ERC1: variants seen among roughly 807,000 people sequenced by gnomAD.
ERC1 encodes ELKS/RAB6-interacting/CAST family member 1.
Under a neutral mutation model 132.0 loss-of-function variants are expected in ERC1, and 56 were observed. The observed-to-expected ratio is 0.42, with a 90% CI of 0.34 to 0.53. The LOEUF (loss-of-function observed/expected upper bound fraction) is 0.53. Ranked by LOEUF, ERC1 falls within the 20% of genes least tolerant of loss-of-function variation. ERC1 has a pLI of 0.03. For missense variants in ERC1, 1,202 were observed against 1,349.9 expected (o/e 0.89, Z 1.72); for synonymous variants, 478 against 476.1 (o/e 1.00, Z -0.05).
intron 2 of ERC1, among the ~76,000 whole-genome samples, chr12:1,050,912 G>A (rs1971836555): frequency 6.6e-6 from 1 of 152,130 alleles, no homozygotes; most frequent in South Asian, 2.1e-4. Flanking sequence ...GGCTGAGGCA[G>A]GAGAATCGCT....
chr12:1,219,939 A>T (rs1304215996), intron 12 of ERC1, among the ~76,000 whole-genome samples: 1 of 152,160 alleles, frequency 6.6e-6, no homozygotes, highest in Non-Finnish European at 1.5e-5. Context: ...CTCCCATCAT[A>T]CACAGTGAAA....
At chr12:1,446,060 G>A (rs1360605306) in intron 18 of ERC1, among the ~76,000 whole-genome samples, 1 of 152,112 alleles carries the variant, frequency 6.6e-6, no homozygotes, top group African/African-American at 2.4e-5. Flanking sequence ...ATCACGTTGG[G>A]GGTTGGGATT....
intron 18 of ERC1, among the ~76,000 whole-genome samples, chr12:1,449,471 C>T (rs1050156741): frequency 6.6e-6 from 1 of 152,152 alleles, no homozygotes; most frequent in South Asian, 2.1e-4. Flanking sequence ...CCATGCTGTT[C>T]TCATGATAGT....
At chr12:1,163,194 A>G (rs1952040121) in intron 8 of ERC1, among the ~76,000 whole-genome samples, 1 of 152,198 alleles carries the variant, frequency 6.6e-6, no homozygotes, top group Non-Finnish European at 1.5e-5. Flanking sequence ...CTGGTTTTAA[A>G]TGATGCTGAT....
chr12:1,298,529 C>T lies in ERC1; in HGVS notation c.2780+8517C>T, dbSNP rs146916126. 7.9e-3 allele frequency among the ~76,000 whole-genome samples: 1,055 copies of T among 134,146 alleles called. 16 individuals are homozygous for T. Among genetic ancestry groups the T allele is most frequent in the African/African-American group, 0.028 (971 of 34,992 alleles). The allele number at this position is 134,146 out of a possible 152,430, so 88.0% of individuals were successfully genotyped here. A position where few individuals can be genotyped will look rare whatever the true frequency, so the allele number is the denominator to read the frequency against. ...CTGCACTCCAGCCTGGACGACAGAACGAGACTCTGTCACAAAAAAAAAAAA... is the reference window on the plus strand; with the variant it reads ...CTGCACTCCAGCCTGGACGACAGAATGAGACTCTGTCACAAAAAAAAAAAA... On this transcript the variant is annotated intron_variant, in intron 15 of 18. Coordinates refer to ENST00000360905, the MANE Select transcript of ERC1 (RefSeq NM_178040.4).
At chr12:1,182,242 C>T (rs932098997) in intron 10 of ERC1, among the ~76,000 whole-genome samples, 177 bp downstream of exon 10, 1 of 152,076 alleles carries the variant, frequency 6.6e-6, no homozygotes, top group African/African-American at 2.4e-5. Context: ...AGAGACATAG[C>T]GGATTGGTTC....
chr12:1,261,023 A>G (rs1466826992), intron 13 of ERC1, among the ~76,000 whole-genome samples: 1 of 152,192 alleles, frequency 6.6e-6, no homozygotes, highest in Non-Finnish European at 1.5e-5. Context: ...AGGTAAAGTC[A>G]TGACATGAGT....
At chr12:1,014,760 T>C (rs1022211789) in intron 1 of ERC1, among the ~76,000 whole-genome samples, 1 of 152,032 alleles carries the variant, frequency 6.6e-6, no homozygotes, top group South Asian at 2.1e-4. Context: ...TTTTTTTTTG[T>C]TTTTGTTTCT....
chr12:1,342,198 C>T (rs983614641), intron 15 of ERC1, among the ~76,000 whole-genome samples: 1 of 152,088 alleles, frequency 6.6e-6, no homozygotes, highest in Non-Finnish European at 1.5e-5. Flanking sequence ...GGTGCGGTGG[C>T]TCACGCCTGT....
At chr12:1,018,398 A>G (rs1337832645) in intron 1 of ERC1, among the ~76,000 whole-genome samples, 2 of 152,146 alleles carry the variant, frequency 1.3e-5, no homozygotes, top group Non-Finnish European at 2.9e-5. Flanking sequence ...TATTTTTAGT[A>G]GAGACGGGGT....
rs562788829 is a variant in ERC1, at chr12:1,287,858, G to T, written c.2620-1994G>T. Among the ~76,000 whole-genome samples, 4 of 152,220 alleles carry T rather than the reference G, an allele frequency of 2.6e-5. No homozygotes were observed. In the South Asian group the frequency reaches 8.3e-4, roughly 32 times the overall value. On this transcript the variant is annotated intron_variant, in intron 14 of 18. Coordinates refer to ENST00000360905, the MANE Select transcript of ERC1 (RefSeq NM_178040.4). ...GTCTTTATTTACACATATACACTCT[G>T]TTTCTCTGGAGAATTCTGACTAAGG...
intron 12 of ERC1, among the ~76,000 whole-genome samples, chr12:1,227,702 G>A (rs997469362): frequency 5.9e-5 from 9 of 152,080 alleles, no homozygotes; most frequent in Non-Finnish European, 8.8e-5. Flanking sequence ...GTGCTTTTGG[G>A]GTCATGTCCA....
At chr12:1,081,830 G>A (rs35821403) in intron 2 of ERC1, among the ~76,000 whole-genome samples, 28,815 of 152,006 alleles carry the variant, frequency 0.19, 3,474 homozygotes, top group Non-Finnish European at 0.25. Flanking sequence ...AAGTTGTTAG[G>A]AAAGTAGATG....
chr12:1,479,139 T>C (rs2154430743), intron 18 of ERC1, among the ~76,000 whole-genome samples: 1 of 152,326 alleles, frequency 6.6e-6, no homozygotes, highest in East Asian at 1.9e-4. Context: ...GTCCCATTGG[T>C]CTGTGTGTCT....
At chr12:1,212,467 C>T (rs936763667) in intron 12 of ERC1, among the ~76,000 whole-genome samples, 2 of 152,146 alleles carry the variant, frequency 1.3e-5, no homozygotes, top group East Asian at 1.9e-4. Flanking sequence ...TCTAATAGCA[C>T]TTGTTATATA....
At chr12:1,311,081 A>T (rs1050703744) in intron 15 of ERC1, among the ~76,000 whole-genome samples, 4 of 152,272 alleles carry the variant, frequency 2.6e-5, no homozygotes, top group Non-Finnish European at 5.9e-5. Context: ...ACCTTAACAA[A>T]GGAAACATTT....
chr12:1,371,426 A>T lies in ERC1; in HGVS notation c.2781-407A>T, dbSNP rs145043645. ...GCTGTACCATTTACTCCAGGTGTGAACTTGGGCAAGCTGTGTAAACTCTGA... is the reference window on the plus strand; with the variant it reads ...GCTGTACCATTTACTCCAGGTGTGATCTTGGGCAAGCTGTGTAAACTCTGA... On this transcript the variant is annotated intron_variant, in intron 15 of 18. Coordinates refer to ENST00000360905, the MANE Select transcript of ERC1 (RefSeq NM_178040.4). Among the ~76,000 whole-genome samples, 127 of 152,354 alleles carry T rather than the reference A, an allele frequency of 8.3e-4. 1 individual carries two copies. In the South Asian group the frequency reaches 0.018, roughly 22 times the overall value.
chr12:993,610 G>A (rs547808852), intron 1 of ERC1, among the ~76,000 whole-genome samples: 1 of 152,192 alleles, frequency 6.6e-6, no homozygotes, highest in South Asian at 2.1e-4. Context: ...AAACTTAAAA[G>A]TGAAGGTTCT....
rs1555222491 is a variant in ERC1 at position 1,063,258 on chromosome 12, G to GTATT, written c.670-19895_670-19892dup. Among the ~76,000 whole-genome samples, 683 of 150,904 alleles carry GTATT rather than the reference G, an allele frequency of 4.5e-3. 2 individuals are homozygous for GTATT. The highest frequency in any genetic ancestry group is 0.015 in the African/African-American group (603 of 41,110). On this transcript the variant is annotated intron_variant, in intron 2 of 18. Coordinates refer to ENST00000360905, the MANE Select transcript of ERC1 (RefSeq NM_178040.4). The stretch of plus-strand genomic sequence containing the variant: ...TGATTTTTTGCATGTATGTATGTAT[G>GTATT]TATTTATTTATTTAGTTTTTGAGAT...
Sources: gnomAD v4.1 joint callset for allele counts (sites outside exome capture counted in the v4.1 genomes callset) on GRCh38, gnomAD v4.1.1 for gene constraint, MANE v1.5 for transcripts, NCBI Gene and HGNC (gene_info 2026-07-23, HGNC 2026-07-21) for gene names.